IGF2BP2: variants seen among roughly 807,000 people sequenced by gnomAD.
The protein encoded by IGF2BP2 is insulin-like growth factor 2 mRNA-binding protein 2.
In IGF2BP2, 17 loss-of-function variants were observed where a neutral mutation model predicts 75.8. That is an observed-to-expected ratio of 0.22 (90% CI 0.15 to 0.34). The LOEUF (loss-of-function observed/expected upper bound fraction) is 0.34, where lower values mean the gene tolerates loss of function less well. Among genes scored for constraint, IGF2BP2 ranks in the 10% least tolerant of loss-of-function variants. The pLI, the probability that IGF2BP2 is intolerant of heterozygous loss-of-function variation, is 1.00. For missense variants in IGF2BP2, 516 were observed against 772.4 expected, an observed-to-expected ratio of 0.67 and a Z score of 3.93; for synonymous variants, 288 against 295.6, an observed-to-expected ratio of 0.97 and a Z score of 0.26.
In IGF2BP2 at chr3:185,774,579, A is replaced by G. The variant is rs192653621; in HGVS notation, c.239+48574T>C. Among the ~76,000 whole-genome samples the G allele has an allele frequency of 3.6e-3, 522 of 145,478 alleles. 2 individuals are homozygous for G. The highest frequency in any genetic ancestry group is 6.3e-3 in the Non-Finnish European group (422 of 67,086). On this transcript the variant is annotated intron_variant, in intron 2 of 15. Coordinates refer to ENST00000382199, the MANE Select transcript of IGF2BP2 (RefSeq NM_006548.6). ...CACTGCACTCCAGCCTGGGCAACAG[A>G]GCGAGACTCTGTCTCAAAAAAAAAA...
chr3:185,763,262 G>GT (rs908028378), intron 2 of IGF2BP2, among the ~76,000 whole-genome samples: 1 of 152,054 alleles, frequency 6.6e-6, no homozygotes, highest in Non-Finnish European at 1.5e-5. Context: ...TTCTGTTTTT[G>GT]TTTTTTCCAT....
rs148174843 is a variant in IGF2BP2 at position 185,787,187 on chromosome 3, A to T, written c.239+35966T>A. 1.8e-4 allele frequency among the ~76,000 whole-genome samples: 27 copies of T among 152,338 alleles called. No individual in the cohort carries two copies. In the East Asian group the frequency reaches 5.0e-3, roughly 28 times the overall value. The stretch of plus-strand genomic sequence containing the variant: ...GTATAGAGTTTCTGTTTTACAAGAC[A>T]AAGACAGTTCTGGAGATAGATAGTG... On this transcript the variant is annotated intron_variant, in intron 2 of 15. Coordinates refer to ENST00000382199, the MANE Select transcript of IGF2BP2 (RefSeq NM_006548.6).
chr3:185,804,039 A>T (rs1425348359), intron 2 of IGF2BP2, among the ~76,000 whole-genome samples: 1 of 151,878 alleles, frequency 6.6e-6, no homozygotes, highest in Non-Finnish European at 1.5e-5. Context: ...CGGGTGGATC[A>T]CGAGGTCAGG....
At chr3:185,817,463 A>C (rs1740758800) in intron 2 of IGF2BP2, among the ~76,000 whole-genome samples, 3 of 152,188 alleles carry the variant, frequency 2.0e-5, no homozygotes. Flanking sequence ...CAGAATCTGA[A>C]GTTTTCTACA....
At chr3:185,666,035 T>C (rs1444426240) in intron 10 of IGF2BP2, among the ~76,000 whole-genome samples, 1 of 151,652 alleles carries the variant, frequency 6.6e-6, no homozygotes, top group Non-Finnish European at 1.5e-5. Context: ...GATAGATAGA[T>C]AGATAGATAG....
At chr3:185,713,978 G>T (rs781378368) in intron 2 of IGF2BP2, among the ~76,000 whole-genome samples, 1 of 152,220 alleles carries the variant, frequency 6.6e-6, no homozygotes, top group Non-Finnish European at 1.5e-5. Flanking sequence ...TGGGATTACA[G>T]GCGTGAGCCA....
chr3:185,747,632 T>C (rs963467863), intron 2 of IGF2BP2, among the ~76,000 whole-genome samples: 1 of 151,896 alleles, frequency 6.6e-6, no homozygotes, highest in African/African-American at 2.4e-5. Context: ...TGAGCTAAGA[T>C]CACACCATTG....
At chr3:185,673,987 C>T (rs1195862993) in intron 9 of IGF2BP2, among the ~76,000 whole-genome samples, 1 of 152,184 alleles carries the variant, frequency 6.6e-6, no homozygotes, top group Non-Finnish European at 1.5e-5. Flanking sequence ...TATATCCAAA[C>T]ATGGGGAGAA....
At chr3:185,699,796 C>T (rs1026829728) in intron 2 of IGF2BP2, among the ~76,000 whole-genome samples, 1 of 152,170 alleles carries the variant, frequency 6.6e-6, no homozygotes, top group African/African-American at 2.4e-5. Flanking sequence ...AATCCATCCC[C>T]TACTAATGGA....
chr3:185,726,461 T>C (rs1727343486), intron 2 of IGF2BP2, among the ~76,000 whole-genome samples: 2 of 152,146 alleles, frequency 1.3e-5, no homozygotes, highest in African/African-American at 4.8e-5. Context: ...GATGGTGAAA[T>C]GCACATTCCT....
At chr3:185,699,273 T>C (rs1722982932) in intron 2 of IGF2BP2, among the ~76,000 whole-genome samples, 1 of 152,178 alleles carries the variant, frequency 6.6e-6, no homozygotes, top group Non-Finnish European at 1.5e-5. Context: ...ATTTAAGTCA[T>C]CATACAGATT....
chr3:185,813,074 T>C (rs1405264302), intron 2 of IGF2BP2, among the ~76,000 whole-genome samples: 1 of 152,170 alleles, frequency 6.6e-6, no homozygotes, highest in Non-Finnish European at 1.5e-5. Context: ...GATGTAGAAA[T>C]AATTATATTA....
intron 2 of IGF2BP2, among the ~76,000 whole-genome samples, chr3:185,810,576 TCAGCCTGGCCAACATGGC>T (rs1560507623): frequency 6.6e-6 from 1 of 151,970 alleles, no homozygotes; most frequent in African/African-American, 2.4e-5. Context: ...GAGTTCAAGA[TCAGCCTGGCCAACATGGC>T]GAAACCCCAT....
At chr3:185,784,685 A>C (rs1735636627) in intron 2 of IGF2BP2, among the ~76,000 whole-genome samples, 1 of 152,280 alleles carries the variant, frequency 6.6e-6, no homozygotes, top group Non-Finnish European at 1.5e-5. Context: ...GTAGAAACCA[A>C]GTCAAACTGT....
At chr3:185,697,095 TTTTTG>T (rs781120371) in intron 3 of IGF2BP2, among the ~76,000 whole-genome samples, 2 of 148,828 alleles carry the variant, frequency 1.3e-5, no homozygotes, top group Non-Finnish European at 3.0e-5. Context: ...ATAATCAGGT[TTTTTG>T]TTTTGTTTTG....
At chr3:185,789,088 G>A (rs1002100354) in intron 2 of IGF2BP2, among the ~76,000 whole-genome samples, 4 of 152,068 alleles carry the variant, frequency 2.6e-5, no homozygotes, top group Non-Finnish European at 4.4e-5. Flanking sequence ...AGGCCACTGC[G>A]AATATTCGAT....
chr3:185,685,397 G>A (rs1289764420), intron 7 of IGF2BP2, among the ~76,000 whole-genome samples: 1 of 151,782 alleles, frequency 6.6e-6, no homozygotes, highest in African/African-American at 2.4e-5. Flanking sequence ...GAACTTGGAT[G>A]AGAAATGTCT....
At chr3:185,787,693 A>G (rs1313218890) in intron 2 of IGF2BP2, among the ~76,000 whole-genome samples, 1 of 151,718 alleles carries the variant, frequency 6.6e-6, no homozygotes, top group Non-Finnish European at 1.5e-5. Context: ...AGATCACACC[A>G]CTGCACTCCC....
chr3:185,699,588 C>A (rs781220341), intron 2 of IGF2BP2, among the ~76,000 whole-genome samples: 11 of 152,198 alleles, frequency 7.2e-5, no homozygotes, highest in African/African-American at 1.2e-4. Context: ...CCTTCAGATT[C>A]TTTATGCAAA....
Sources: allele counts gnomAD v4.1 joint callset (sites outside exome capture counted in the v4.1 genomes callset), GRCh38; gene constraint gnomAD v4.1.1; transcripts MANE v1.5; gene names NCBI Gene and HGNC (gene_info 2026-07-23, HGNC 2026-07-21).